Variants in AP3S1 observed in about 807,000 individuals in gnomAD.
The protein encoded by AP3S1 is adaptor related protein complex 3 subunit sigma 1, also known as AP-3 complex subunit sigma-1.
A neutral mutation model predicts 21.3 loss-of-function variants in AP3S1; 12 were observed. The observed-to-expected ratio is 0.56, with a 90% CI of 0.36 to 0.91. The LOEUF (loss-of-function observed/expected upper bound fraction) is 0.91, where lower values mean the gene tolerates loss of function less well. AP3S1 is among the 40% of genes least tolerant of loss of function. The pLI, the probability that AP3S1 is intolerant of heterozygous loss-of-function variation, is 0.01. For synonymous variants in AP3S1, 48 were observed against 78.4 expected, an observed-to-expected ratio of 0.61 and a Z score of 2.05; for missense variants, 116 against 225.0, an observed-to-expected ratio of 0.52 and a Z score of 3.10.
At chr5:115,866,849 T>C in intron 2 of AP3S1, 88 bp downstream of exon 2, 2 of 723,450 alleles carry the variant, frequency 2.8e-6, no homozygotes, top group Non-Finnish European at 4.0e-6. Context: ...AAAAGTTTTC[T>C]ACTTTTGATT....
intron 4 of AP3S1, among the ~76,000 whole-genome samples, chr5:115,896,880 A>G (rs1014311300): frequency 1.3e-5 from 2 of 152,220 alleles, no homozygotes; most frequent in African/African-American, 2.4e-5. Context: ...ATGTAAATAC[A>G]TTTACCATCT....
At chr5:115,885,011 T>C (rs900535994) in intron 3 of AP3S1, among the ~76,000 whole-genome samples, 2 of 152,210 alleles carry the variant, frequency 1.3e-5, no homozygotes, top group Non-Finnish European at 2.9e-5. Context: ...TGAACTTAAC[T>C]ATTATTACTT....
chr5:115,848,739 T>C (rs1762236987), intron 1 of AP3S1, among the ~76,000 whole-genome samples: 1 of 152,184 alleles, frequency 6.6e-6, no homozygotes, highest in South Asian at 2.1e-4. Flanking sequence ...CCCAGTCCCC[T>C]TCCAACTTCT....
chr5:115,857,002 C>T (rs182991993), intron 1 of AP3S1, among the ~76,000 whole-genome samples: 27 of 152,240 alleles, frequency 1.8e-4, no homozygotes, highest in African/African-American at 3.9e-4. Context: ...TGGTAACCAC[C>T]GCTACTGATT....
At chr5:115,851,058 T>G (rs1271721238) in intron 1 of AP3S1, among the ~76,000 whole-genome samples, 3 of 152,202 alleles carry the variant, frequency 2.0e-5, no homozygotes, top group Admixed American at 2.0e-4. Flanking sequence ...TAGTTACTTG[T>G]GGCAGTATAA....
At chr5:115,871,541 T>C (rs989200289) in intron 3 of AP3S1, among the ~76,000 whole-genome samples, 6 of 152,302 alleles carry the variant, frequency 3.9e-5, no homozygotes, top group Non-Finnish European at 8.8e-5. Context: ...ACCCTCAGTT[T>C]TAAAAATCCA....
intron 1 of AP3S1, among the ~76,000 whole-genome samples, chr5:115,842,317 C>A (rs944419869): frequency 1.3e-5 from 2 of 152,190 alleles, no homozygotes; most frequent in Non-Finnish European, 2.9e-5. Context: ...GTGGCTTTGC[C>A]CGGGCGGTTC....
intron 4 of AP3S1, among the ~76,000 whole-genome samples, chr5:115,895,847 C>A (rs746148170): frequency 6.6e-6 from 1 of 152,070 alleles, no homozygotes; most frequent in South Asian, 2.1e-4. Flanking sequence ...AGGAAAAACG[C>A]TAAGATTAGG....
chr5:115,866,603 A>C (rs531881913), intron 1 of AP3S1, 67 bp from the exon 2 acceptor site: 214 of 1,121,314 alleles, frequency 1.9e-4, no homozygotes, highest in Non-Finnish European at 2.5e-4. Flanking sequence ...CTTTGATTTT[A>C]AAAATTCTTA....
At chr5:115,876,900 A>G (rs1730041716) in intron 3 of AP3S1, among the ~76,000 whole-genome samples, 1 of 152,198 alleles carries the variant, frequency 6.6e-6, no homozygotes, top group Non-Finnish European at 1.5e-5. Flanking sequence ...TTGTTCCACT[A>G]CTTGTGATAT....
At chr5:115,878,714 T>A (rs565351448) in intron 3 of AP3S1, among the ~76,000 whole-genome samples, 2 of 152,294 alleles carry the variant, frequency 1.3e-5, no homozygotes, top group South Asian at 4.1e-4. Flanking sequence ...TTTAAAGTAC[T>A]TTTTTGTAAT....
intron 3 of AP3S1, among the ~76,000 whole-genome samples, chr5:115,894,554 A>G (rs984607460): frequency 6.6e-6 from 1 of 151,840 alleles, no homozygotes; most frequent in Non-Finnish European, 1.5e-5. Context: ...AAGCCTGCTG[A>G]GGTGACTCTT....
chr5:115,863,476 G>C (rs1763356474), intron 1 of AP3S1, among the ~76,000 whole-genome samples: 1 of 152,272 alleles, frequency 6.6e-6, no homozygotes, highest in East Asian at 1.9e-4. Flanking sequence ...GGGAGGCTGA[G>C]GCAGGAGAAT....
intron 3 of AP3S1, among the ~76,000 whole-genome samples, chr5:115,892,552 C>T (rs1413558902): frequency 6.6e-6 from 1 of 152,224 alleles, no homozygotes; most frequent in East Asian, 1.9e-4. Flanking sequence ...AGAAGCCAGA[C>T]ACAGAAAGAC....
rs186736717 is a variant in AP3S1, at chr5:115,867,041, A to T, written c.161+280A>T. 1.1e-3 allele frequency among the ~76,000 whole-genome samples: 164 copies of T among 152,254 alleles called. 2 individuals are homozygous for T. Among genetic ancestry groups the T allele is most frequent in the Non-Finnish European group, 6.9e-4 (47 of 67,964 alleles). Reference sequence around the variant, plus strand: ...AGGGAAGTATAAAATGTAAAATAAGAATCTCTCAACCTTAGTCCTTCTACC... The same window carrying T: ...AGGGAAGTATAAAATGTAAAATAAGTATCTCTCAACCTTAGTCCTTCTACC... On this transcript the variant is annotated intron_variant, in intron 2 of 5. Transcript: ENST00000316788.
chr5:115,846,492 G>A (rs768508957), intron 1 of AP3S1, among the ~76,000 whole-genome samples: 15 of 150,498 alleles, frequency 1.0e-4, no homozygotes, highest in South Asian at 2.1e-4. Flanking sequence ...TTAATAAACT[G>A]TATTTAATTA....
At chr5:115,907,918 A>G (rs1004853611) in intron 5 of AP3S1, among the ~76,000 whole-genome samples, 24 of 152,168 alleles carry the variant, frequency 1.6e-4, no homozygotes, top group African/African-American at 5.8e-4. Context: ...ATTTCAAAAT[A>G]AAAGTAATTT....
chr5:115,869,744 C>T (rs755227987), intron 2 of AP3S1, among the ~76,000 whole-genome samples: 4 of 152,194 alleles, frequency 2.6e-5, no homozygotes, highest in Non-Finnish European at 5.9e-5. Context: ...GCTTCTTCCC[C>T]ACTACCAGTG....
chr5:115,883,616 G>A (rs1170593330), intron 3 of AP3S1, among the ~76,000 whole-genome samples: 1 of 152,230 alleles, frequency 6.6e-6, no homozygotes, highest in African/African-American at 2.4e-5. Flanking sequence ...CGTTGATCTC[G>A]CTGGGAGCTG....
Sources: allele counts gnomAD v4.1 joint callset (sites outside exome capture counted in the v4.1 genomes callset), GRCh38; gene constraint gnomAD v4.1.1; transcripts MANE v1.5; gene names NCBI Gene and HGNC (gene_info 2026-07-23, HGNC 2026-07-21).